The following BLTP1 variants were observed in gnomAD, a reference collection of about 807,000 sequenced individuals.
BLTP1 encodes fragile site-associated protein.
chr4:122,315,702 C>T, the BLTP1 span: 1 of 1,611,866 alleles, frequency 6.2e-7, no homozygotes. Context: ...AGTAAACTCA[C>T]TGTTAGAATT....
chr4:122,347,796 T>C, the BLTP1 span: 9 of 1,585,158 alleles, frequency 5.7e-6, no homozygotes, highest in Non-Finnish European at 7.8e-6. Flanking sequence ...CTGCTCTTTT[T>C]GTTATCAGTA....
At chr4:122,334,268 A>T in the BLTP1 span, 39 of 1,297,274 alleles carry the variant, frequency 3.0e-5, no homozygotes, top group South Asian at 3.2e-4. Context: ...TGTTCTTTCT[A>T]CCACATTTTT....
At chr4:122,310,453 T>C in the BLTP1 span, among the ~76,000 whole-genome samples, 439 of 152,184 alleles carry the variant, frequency 2.9e-3, 1 homozygote, top group Non-Finnish European at 5.3e-3. Flanking sequence ...GAAATGAAGA[T>C]CCAAAGAAAT....
chr4:122,250,070 A>G, the BLTP1 span: 7 of 810,716 alleles, frequency 8.6e-6, no homozygotes, highest in Non-Finnish European at 1.0e-5. Context: ...TTAGAATTAT[A>G]TTTGCTTTTT....
At chr4:122,243,346 A>C in the BLTP1 span, 2 of 905,844 alleles carry the variant, frequency 2.2e-6, no homozygotes, top group South Asian at 5.1e-5. Flanking sequence ...CATCAGGTAA[A>C]TATATTAAAA....
chr4:122,328,269 A>G, the BLTP1 span: 1 of 1,611,140 alleles, frequency 6.2e-7, no homozygotes, highest in Non-Finnish European at 8.5e-7. Context: ...ACGGGATGAC[A>G]GTTTGTCTTC....
At chr4:122,166,682 G>A in the BLTP1 span, among the ~76,000 whole-genome samples, 11 of 152,214 alleles carry the variant, frequency 7.2e-5, no homozygotes, top group African/African-American at 1.9e-4. Flanking sequence ...CCATTTTCAC[G>A]ATACTGATTC....
the BLTP1 span, chr4:122,207,125 G>A: frequency 6.2e-7 from 1 of 1,600,856 alleles, no homozygotes; most frequent in Non-Finnish European, 8.5e-7. Context: ...ATTCAAGACT[G>A]GTCTAGTGAC....
At chr4:122,257,687 C>A in the BLTP1 span, among the ~76,000 whole-genome samples, 1 of 152,084 alleles carries the variant, frequency 6.6e-6, no homozygotes, top group Non-Finnish European at 1.5e-5. Context: ...CTAATATAAG[C>A]AATTTTAGAT....
chr4:122,290,969 T>G, the BLTP1 span: 1 of 872,920 alleles, frequency 1.1e-6, no homozygotes, highest in East Asian at 1.2e-4. Context: ...AAAAAACAAG[T>G]GTTGTGGAGT....
At chr4:122,234,099 T>C in the BLTP1 span, 1 of 157,502 alleles carries the variant, frequency 6.3e-6, no homozygotes, top group Non-Finnish European at 1.4e-5. Flanking sequence ...CACAGATTTC[T>C]ATTATATAAT....
chr4:122,200,004 A>G, the BLTP1 span: 4 of 977,346 alleles, frequency 4.1e-6, no homozygotes, highest in Non-Finnish European at 4.9e-6. Context: ...AGGGACAACA[A>G]CACTAACAAT....
chr4:122,156,370 C>T, the BLTP1 span, among the ~76,000 whole-genome samples: 1 of 152,118 alleles, frequency 6.6e-6, no homozygotes, highest in African/African-American at 2.4e-5. Context: ...GAAAAATACA[C>T]CTCAAAGGAG....
the BLTP1 span, chr4:122,249,462 A>G: frequency 1.9e-6 from 3 of 1,606,764 alleles, no homozygotes; most frequent in Non-Finnish European, 2.6e-6. Context: ...AAAAATGGTC[A>G]TTTTGCTCTC....
At chr4:122,334,470 T>C in the BLTP1 span, 5 of 1,612,914 alleles carry the variant, frequency 3.1e-6, no homozygotes, top group South Asian at 1.1e-5. Flanking sequence ...ATCTCCTCCT[T>C]CTCCTCCTTT....
the BLTP1 span, chr4:122,197,408 A>G: frequency 5.3e-6 from 5 of 943,912 alleles, no homozygotes; most frequent in South Asian, 9.1e-5. Flanking sequence ...TGATGTGCCT[A>G]TACTCATTAA....
the BLTP1 span, among the ~76,000 whole-genome samples, chr4:122,157,133 C>G: frequency 6.6e-6 from 1 of 152,264 alleles, no homozygotes; most frequent in East Asian, 1.9e-4. Context: ...CCTTGAAGAT[C>G]TCTTGCAAAA....
the BLTP1 span, among the ~76,000 whole-genome samples, chr4:122,329,498 G>T: frequency 6.7e-6 from 1 of 149,956 alleles, no homozygotes; most frequent in Non-Finnish European, 1.5e-5. Context: ...TATAAATTTG[G>T]TTATAGGAAA....
chr4:122,281,923 T>C, the BLTP1 span: 1 of 1,294,112 alleles, frequency 7.7e-7, no homozygotes, highest in Admixed American at 3.9e-5. Context: ...TGTTCTCTAG[T>C]CAAGTAAAAA....
Sources: gnomAD v4.1 joint callset for allele counts (sites outside exome capture counted in the v4.1 genomes callset) on GRCh38, gnomAD v4.1.1 for gene constraint, MANE v1.5 for transcripts, NCBI Gene and HGNC (gene_info 2026-07-23, HGNC 2026-07-21) for gene names.